The following CNOT2 variants were observed in gnomAD, a reference collection of about 807,000 sequenced individuals.
The protein encoded by CNOT2 is CC chemokine receptor 4-negative regulator of transcription 2.
A neutral mutation model predicts 72.1 loss-of-function variants in CNOT2; 7 were observed. The ratio of observed to expected loss-of-function variants is 0.10; its 90% CI spans 0.06 to 0.18. The LOEUF is 0.18. Ranked by LOEUF, CNOT2 falls within the 10% of genes least tolerant of loss-of-function variation. The pLI is 1.00. For missense variants in CNOT2, 345 were observed against 660.3 expected, an observed-to-expected ratio of 0.52 and a Z score of 5.23; for synonymous variants, 196 against 225.6, an observed-to-expected ratio of 0.87 and a Z score of 1.17.
chr12:70,317,574 A>T (rs1417979329), intron 3 of CNOT2, among the ~76,000 whole-genome samples: 1 of 150,444 alleles, frequency 6.6e-6, no homozygotes, highest in African/African-American at 2.4e-5. Context: ...TAGGTTGCAC[A>T]ACCTCTGGAT....
At chr12:70,349,224 A>G (rs1430849267) in intron 15 of CNOT2, among the ~76,000 whole-genome samples, 1 of 152,162 alleles carries the variant, frequency 6.6e-6, no homozygotes, top group African/African-American at 2.4e-5. Context: ...CAGAATATTG[A>G]TTAGTAATTA....
chr12:70,344,724 C>T (rs1881943501), intron 14 of CNOT2: 1 of 152,124 alleles, frequency 6.6e-6, no homozygotes, highest in East Asian at 1.9e-4. Flanking sequence ...AAGACCCTGT[C>T]TCTAAAAATA....
At chr12:70,308,584 T>TCTCTCTCTCTCTCTCTCTCTCTCACACA (rs550679130) in intron 2 of CNOT2, among the ~76,000 whole-genome samples, 10 of 133,326 alleles carry the variant, frequency 7.5e-5, no homozygotes, top group African/African-American at 2.8e-4. Flanking sequence ...TCTCTCTCTC[T>TCTCTCTCTCTCTCTCTCTCTCTCACACA]CACACACACA....
chr12:70,297,998 G>C, intron 2 of CNOT2: 1 of 164,364 alleles, frequency 6.1e-6, no homozygotes, highest in South Asian at 1.3e-4. Context: ...CAACCTCTGG[G>C]AGTTGAGTGG....
At chr12:70,293,745 G>A (rs567872535) in intron 2 of CNOT2, among the ~76,000 whole-genome samples, 2 of 152,086 alleles carry the variant, frequency 1.3e-5, no homozygotes, top group East Asian at 3.9e-4. Flanking sequence ...GTGTTAATGT[G>A]TATGAGAGCC....
At chr12:70,297,770 C>T in intron 2 of CNOT2, 1 of 366,230 alleles carries the variant, frequency 2.7e-6, no homozygotes, top group South Asian at 2.0e-5. Context: ...CGTGGTCTCA[C>T]TCTGTCACCC....
At chr12:70,264,664 C>T (rs1374589333) in intron 1 of CNOT2, among the ~76,000 whole-genome samples, 2 of 152,014 alleles carry the variant, frequency 1.3e-5, no homozygotes, top group Admixed American at 1.3e-4. Context: ...GCCTGTCTGT[C>T]CTGGAGAGAT....
At chr12:70,339,112 A>ACACC (rs1565828719) in intron 11 of CNOT2, among the ~76,000 whole-genome samples, 2 of 149,826 alleles carry the variant, frequency 1.3e-5, no homozygotes, top group African/African-American at 2.5e-5. Context: ...ACACACACAC[A>ACACC]CCTTCCAGAA....
At chr12:70,265,327 T>TCTCTTCTCTTCTCTTC (rs200497693) in intron 1 of CNOT2, among the ~76,000 whole-genome samples, 13 of 129,300 alleles carry the variant, frequency 1.0e-4, no homozygotes, top group South Asian at 2.5e-4. Flanking sequence ...TCTCTTCTCT[T>TCTCTTCTCTTCTCTTC]TCTTTCTTTT....
At chr12:70,330,151 T>A in intron 5 of CNOT2, 136 bp from the exon 6 acceptor site, 1 of 508,800 alleles carries the variant, frequency 2.0e-6, no homozygotes, top group Non-Finnish European at 3.5e-6. Context: ...CTAGAATGAC[T>A]AAAGAATTAA....
At chr12:70,352,249 C>T (rs1376976782) in intron 15 of CNOT2, among the ~76,000 whole-genome samples, 1 of 34 alleles carries the variant, frequency 0.029, no homozygotes, top group Non-Finnish European at 0.083. Context: ...AGGTGTGCCG[C>T]TTACTGATGA....
chr12:70,244,880 C>T (rs961648274), intron 1 of CNOT2, among the ~76,000 whole-genome samples: 1 of 152,046 alleles, frequency 6.6e-6, no homozygotes, highest in Non-Finnish European at 1.5e-5. Flanking sequence ...TTTTAGAGCT[C>T]GGAATCATAA....
chr12:70,262,326 T>G (rs959978386), intron 1 of CNOT2, among the ~76,000 whole-genome samples: 2 of 152,152 alleles, frequency 1.3e-5, no homozygotes, highest in African/African-American at 4.8e-5. Context: ...CAGGCTGGAG[T>G]GCAATGGCGC....
rs373056184 is a variant in CNOT2, at chr12:70,329,440, A to G, written c.256A>G (p.Met86Val). 4.3e-6 allele frequency: 7 copies of G among 1,611,418 alleles called. No homozygotes were observed. The highest frequency in any genetic ancestry group is 3.3e-5 in the Admixed American group (2 of 59,790). The stretch of plus-strand genomic sequence containing the variant: ...TTTATTAGGTGCACTAGGCCTTCCA[A>G]TGAGGGGGATGAGCAACAATACCCC... ...YGQQSALGLPMRGMSNNTPQL... is the reference protein window; with the variant it reads ...YGQQSALGLPVRGMSNNTPQL... Residue 86 changes from methionine to valine, a missense_variant, in exon 5 of 16, where the codon ATG (methionine) becomes GTG (valine). Physicochemically the swap from Met to Val is conservative, Grantham distance 21. This residue lies in a region of CNOT2 where 157 missense variants were observed against 235.3 expected (regional missense o/e 0.67). Transcript: ENST00000229195.
chr12:70,260,161 A>G (rs888485052), intron 1 of CNOT2, among the ~76,000 whole-genome samples: 5 of 152,202 alleles, frequency 3.3e-5, no homozygotes, highest in African/African-American at 4.8e-5. Flanking sequence ...TATGAATTTT[A>G]GAACTAGCTT....
At position 70,353,913 on chromosome 12, in the gene CNOT2, T is replaced by TG; in HGVS notation, c.1621_1622insG (p.Ter541=). 7.8e-7 allele frequency: 1 copy of TG among 1,274,546 alleles called. No homozygotes were observed. The highest frequency in any genetic ancestry group is 9.9e-7 in the Non-Finnish European group (1 of 1,009,126). 79.0% of individuals were successfully genotyped at this position (1,274,546 alleles called of 1,614,324 possible). A position where few individuals can be genotyped will look rare whatever the true frequency, so the allele number is the denominator to read the frequency against. Reference sequence around the variant, plus strand: ...CTACAACCCTGCTCAGCAAGCCTTCTAAAAAAAAAAAAAAAAAAAAAAAAA... The same window carrying TG: ...CTACAACCCTGCTCAGCAAGCCTTCTGAAAAAAAAAAAAAAAAAAAAAAAAA... The part of the protein sequence containing the change: ...FNYNPAQQAF[*] The change falls in exon 16 of 16, where the codon TAA becomes TGAA. Residue 541 remains the stop codon, a frameshift_variant and stop_retained_variant. Transcript: ENST00000229195. LOFTEE classifies it high-confidence loss of function.
chr12:70,284,337 T>C (rs1870476635), intron 2 of CNOT2, among the ~76,000 whole-genome samples: 1 of 151,826 alleles, frequency 6.6e-6, no homozygotes, highest in Admixed American at 6.6e-5. Flanking sequence ...CTCTGCCACC[T>C]GGGTTCAAGC....
chr12:70,306,838 CT>C (rs1338271789), intron 2 of CNOT2, among the ~76,000 whole-genome samples: 6 of 152,196 alleles, frequency 3.9e-5, no homozygotes, highest in African/African-American at 1.4e-4. Flanking sequence ...GCGTCAGGCA[CT>C]TTTGTGAATG....
At chr12:70,273,710 T>G (rs181447785) in intron 1 of CNOT2, among the ~76,000 whole-genome samples, 22 of 152,272 alleles carry the variant, frequency 1.4e-4, no homozygotes, top group Admixed American at 4.6e-4. Context: ...AGTATTCACT[T>G]CATTTGAAAC....
Sources: gnomAD v4.1 joint callset for allele counts (sites outside exome capture counted in the v4.1 genomes callset) on GRCh38, gnomAD v4.1.1 for gene constraint, gnomAD v4.1.1 regional missense constraint, MANE v1.5 for transcripts, NCBI Gene and HGNC (gene_info 2026-07-23, HGNC 2026-07-21) for gene names.